The following KCNH5 variants were observed in gnomAD, a reference collection of about 807,000 sequenced individuals.
KCNH5 encodes the protein voltage-gated delayed rectifier potassium channel KCNH5.
In KCNH5, 46 loss-of-function variants were observed where a neutral mutation model predicts 96.1. The observed-to-expected ratio is 0.48, with a 90% CI of 0.38 to 0.61. The LOEUF (loss-of-function observed/expected upper bound fraction) is 0.61. Among genes scored for constraint, KCNH5 ranks in the 20% least tolerant of loss-of-function variants. KCNH5 has a pLI of 0.00. For missense variants in KCNH5, 907 were observed against 1,225.8 expected (o/e 0.74, Z 3.88); for synonymous variants, 439 against 449.8 (o/e 0.98, Z 0.30).
rs1884415849 is a variant in KCNH5 at position 62,705,651 on chromosome 14, A to T, written c.*1857T>A. 1 of 152,058 alleles carries T rather than the reference A, an allele frequency of 6.6e-6. No individual in the cohort carries two copies. The highest frequency in any genetic ancestry group is 2.1e-4 in the South Asian group (1 of 4,830). 9.4% of individuals were successfully genotyped at this position (152,058 alleles called of 1,614,324 possible). On this transcript the variant is annotated 3_prime_UTR_variant, in exon 11 of 11. Transcript: ENST00000322893. ...CATATGTTTTGAGACTCCTAGATTAAAGAGGCACATCTTGTGGGCATGTGA... is the reference window on the plus strand; with the variant it reads ...CATATGTTTTGAGACTCCTAGATTATAGAGGCACATCTTGTGGGCATGTGA...
In KCNH5 at chr14:62,910,941, A is replaced by ACACACACACACACACACACC. The variant is rs61033705; in HGVS notation, c.1369+39191_1369+39192insGGTGTGTGTGTGTGTGTGTG. ...CACACACACACACACACACACACACACCCCTCTGTTGTTCTGTCATCCTAT... is the reference window on the plus strand; with the variant it reads ...CACACACACACACACACACACACACACACACACACACACACACACCCCCCTCTGTTGTTCTGTCATCCTAT... On this transcript the variant is annotated intron_variant, in intron 7 of 10. Transcript: ENST00000322893. Among the ~76,000 whole-genome samples, 9 of 140,886 alleles carry ACACACACACACACACACACC rather than the reference A, an allele frequency of 6.4e-5. No individual in the cohort carries two copies. In the East Asian group the frequency reaches 8.5e-4, roughly 13 times the overall value. The allele number at this position is 140,886 out of a possible 152,430, so 92.4% of individuals were successfully genotyped here. A position where few individuals can be genotyped will look rare whatever the true frequency, so the allele number is the denominator to read the frequency against.
chr14:62,852,141 T>A (rs1013778488), intron 7 of KCNH5, among the ~76,000 whole-genome samples: 1 of 152,210 alleles, frequency 6.6e-6, no homozygotes, highest in East Asian at 1.9e-4. Flanking sequence ...ATATAATGTA[T>A]AATGATCAAA....
chr14:62,751,963 T>C (rs1478438947), intron 10 of KCNH5, among the ~76,000 whole-genome samples: 1 of 152,212 alleles, frequency 6.6e-6, no homozygotes, highest in Non-Finnish European at 1.5e-5. Flanking sequence ...TGGCCTCAAC[T>C]AAACGCCCTT....
chr14:62,716,088 C>T (rs1397337736), intron 10 of KCNH5, among the ~76,000 whole-genome samples: 1 of 152,096 alleles, frequency 6.6e-6, no homozygotes, highest in Non-Finnish European at 1.5e-5. Context: ...TCACAATGAA[C>T]AAAACATTGT....
chr14:62,890,269 G>A (rs1389719133), intron 7 of KCNH5, among the ~76,000 whole-genome samples: 1 of 152,088 alleles, frequency 6.6e-6, no homozygotes. Flanking sequence ...CACAGCAAAA[G>A]AAACCATCAA....
At chr14:62,736,524 C>T (rs1017555661) in intron 10 of KCNH5, among the ~76,000 whole-genome samples, 3 of 152,078 alleles carry the variant, frequency 2.0e-5, no homozygotes, top group Non-Finnish European at 4.4e-5. Context: ...AAAGACATGC[C>T]GGCCCCAAGA....
intron 7 of KCNH5, among the ~76,000 whole-genome samples, chr14:62,938,513 G>C (rs189219057): frequency 6.6e-6 from 1 of 152,220 alleles, no homozygotes; most frequent in Non-Finnish European, 1.5e-5. Flanking sequence ...AAAGGCCTTT[G>C]GTATGACATT....
intron 7 of KCNH5, among the ~76,000 whole-genome samples, chr14:62,909,081 T>C (rs369165368): frequency 8.4e-6 from 1 of 119,302 alleles, no homozygotes; most frequent in Admixed American, 1.0e-4. Flanking sequence ...AATCTCGCTC[T>C]GTCGCCCAGG....
At chr14:62,799,348 G>A (rs901345545) in intron 9 of KCNH5, among the ~76,000 whole-genome samples, 32 of 151,812 alleles carry the variant, frequency 2.1e-4, no homozygotes, top group African/African-American at 5.6e-4. Context: ...AGGCCGAGGC[G>A]GGTGGATCAC....
intron 7 of KCNH5, among the ~76,000 whole-genome samples, chr14:62,931,596 T>G (rs1401582493): frequency 6.6e-6 from 1 of 152,112 alleles, no homozygotes; most frequent in Non-Finnish European, 1.5e-5. Flanking sequence ...CCAAGAAAGC[T>G]GGATCTTAAA....
At chr14:62,990,953 A>G (rs953763246) in intron 4 of KCNH5, among the ~76,000 whole-genome samples, 2 of 152,092 alleles carry the variant, frequency 1.3e-5, no homozygotes, top group African/African-American at 4.8e-5. Context: ...TTTACTCACT[A>G]TAATGAGAAC....
chr14:62,902,357 T>A (rs1303774954), intron 7 of KCNH5, among the ~76,000 whole-genome samples: 1 of 152,056 alleles, frequency 6.6e-6, no homozygotes, highest in Non-Finnish European at 1.5e-5. Context: ...AGGTCTTACA[T>A]TGAAATCTTT....
intron 10 of KCNH5, among the ~76,000 whole-genome samples, chr14:62,714,813 A>T (rs1164901798): frequency 3.9e-5 from 6 of 152,174 alleles, no homozygotes; most frequent in Non-Finnish European, 1.5e-5. Flanking sequence ...AAAAACCTAG[A>T]CCCTTTTTAC....
intron 7 of KCNH5, among the ~76,000 whole-genome samples, chr14:62,898,487 T>C (rs1888859340): frequency 6.6e-6 from 1 of 152,010 alleles, no homozygotes; most frequent in South Asian, 2.1e-4. Context: ...AAGCACAAAG[T>C]AAGATTACAG....
At chr14:62,792,499 A>C (rs1886455548) in intron 9 of KCNH5, among the ~76,000 whole-genome samples, 1 of 151,644 alleles carries the variant, frequency 6.6e-6, no homozygotes, top group South Asian at 2.1e-4. Flanking sequence ...ATTGCATATA[A>C]AAATCCAAAT....
At chr14:62,975,171 T>C (rs905943437) in intron 6 of KCNH5, among the ~76,000 whole-genome samples, 3 of 152,152 alleles carry the variant, frequency 2.0e-5, no homozygotes, top group East Asian at 1.9e-4. Context: ...ACAGCTGATA[T>C]AGTGCTTATG....
At chr14:62,955,775 T>C (rs1172652621) in intron 6 of KCNH5, among the ~76,000 whole-genome samples, 1 of 152,198 alleles carries the variant, frequency 6.6e-6, no homozygotes, top group Non-Finnish European at 1.5e-5. Flanking sequence ...CCTGGAACTC[T>C]TATATCTATA....
At chr14:62,964,269 C>T (rs1890265201) in intron 6 of KCNH5, among the ~76,000 whole-genome samples, 1 of 152,052 alleles carries the variant, frequency 6.6e-6, no homozygotes, top group Admixed American at 6.6e-5. Flanking sequence ...AAATATCCAT[C>T]CTTATACTAA....
intron 10 of KCNH5, among the ~76,000 whole-genome samples, chr14:62,736,801 C>T (rs900252802): frequency 6.6e-6 from 1 of 152,198 alleles, no homozygotes; most frequent in Non-Finnish European, 1.5e-5. Flanking sequence ...CCTGTCTTTA[C>T]TGCCGAGCCA....
Sources: gnomAD v4.1 joint callset for allele counts (sites outside exome capture counted in the v4.1 genomes callset) on GRCh38, gnomAD v4.1.1 for gene constraint, MANE v1.5 for transcripts, NCBI Gene and HGNC (gene_info 2026-07-23, HGNC 2026-07-21) for gene names.